The following ZNF423 variants were observed in gnomAD, a reference collection of about 807,000 sequenced individuals.
The protein encoded by ZNF423 is Ebf-associated zinc finger protein.
ZNF423 carries 12 observed loss-of-function variants against 95.8 expected under a neutral mutation model. The observed-to-expected ratio is 0.13, with a 90% CI of 0.08 to 0.20. The LOEUF is 0.20. ZNF423 is among the 10% of genes least tolerant of loss of function. The pLI, the probability that ZNF423 is intolerant of heterozygous loss-of-function variation, is 1.00. For missense variants in ZNF423, 1,316 were observed against 1,737.1 expected, an observed-to-expected ratio of 0.76 and a Z score of 4.31; for synonymous variants, 749 against 711.9, an observed-to-expected ratio of 1.05 and a Z score of -0.83.
In ZNF423 at chr16:49,637,782, T is replaced by G; in HGVS notation, c.1394A>C (p.Asn465Thr). 1.2e-6 allele frequency: 2 copies of G among 1,613,932 alleles called. No homozygotes were observed. The highest frequency in any genetic ancestry group is 2.2e-5 in the South Asian group (2 of 91,060). ...LDSMPTLYNL[N>T]EHVRKLHKNH... is the part of the protein sequence containing the mutation. ...CTTGTGCAGCTTGCGAACGTGCTCG[T>G]TGAGGTTGTAGAGGGTGGGCATGGA... The change falls in exon 4 of 8, where the codon AAC becomes ACC. Residue 465 changes from asparagine (N) to threonine (T), a missense_variant. Transcript: ENST00000563137. The surrounding 1 kb of genome is among the most constrained non-coding windows in gnomAD (Gnocchi z 5.6).
chr16:49,684,250 T>C (rs1596850900), intron 3 of ZNF423, among the ~76,000 whole-genome samples: 3 of 152,074 alleles, frequency 2.0e-5, no homozygotes, highest in South Asian at 4.2e-4. Context: ...ATCAGGAAAA[T>C]AGGGTGTTTG....
intron 1 of ZNF423, among the ~76,000 whole-genome samples, chr16:49,821,660 G>T (rs1331465550): frequency 6.6e-6 from 1 of 152,138 alleles, no homozygotes; most frequent in Non-Finnish European, 1.5e-5. Flanking sequence ...CTCTTCCTTT[G>T]TTTCTCCCTG....
intron 3 of ZNF423, among the ~76,000 whole-genome samples, chr16:49,681,236 G>T (rs2031342009): frequency 6.6e-6 from 1 of 152,200 alleles, no homozygotes; most frequent in African/African-American, 2.4e-5. Context: ...GAACACCAAG[G>T]TATCTTTTAT....
chr16:49,552,601 C>A (rs988303611), intron 5 of ZNF423, among the ~76,000 whole-genome samples: 5 of 152,076 alleles, frequency 3.3e-5, no homozygotes, highest in Admixed American at 1.3e-4. Flanking sequence ...TTTCTAAATC[C>A]TCAGCCAAAA....
intron 3 of ZNF423, among the ~76,000 whole-genome samples, chr16:49,657,557 C>T (rs951451487): frequency 6.6e-6 from 1 of 152,208 alleles, no homozygotes; most frequent in Non-Finnish European, 1.5e-5. Flanking sequence ...AGGTGATGCC[C>T]CCAGGGGCAA....
intron 3 of ZNF423, among the ~76,000 whole-genome samples, chr16:49,677,228 A>AAGAGAAGAGAAGAGAAGAGAAGAGAAGAG (rs2031091665): frequency 5.3e-5 from 3 of 57,100 alleles, no homozygotes; most frequent in African/African-American, 1.3e-4. Flanking sequence ...AGAAACAAGA[A>AAGAGAAGAGAAGAGAAGAGAAGAGAAGAG]AAGAGAAGAG....
At chr16:49,533,923 C>T (rs1968953203) in intron 5 of ZNF423, among the ~76,000 whole-genome samples, 1 of 152,056 alleles carries the variant, frequency 6.6e-6, no homozygotes, top group South Asian at 2.1e-4. Context: ...TTTGGGAGGC[C>T]GAAGCAGGAA....
At position 49,635,626 on chromosome 16, in the gene ZNF423, G is replaced by T. The variant is rs199611822; in HGVS notation, c.3516+34C>A. ...GGGACCAGAGGAGCCCCAAGGAGAG[G>T]AGCAGGGAGCAGGATGAGGTGGACT... On this transcript the variant is annotated intron_variant, in intron 4 of 7. Coordinates refer to ENST00000563137, the MANE Select transcript of ZNF423 (RefSeq NM_001379286.1). The surrounding 1 kb of genome is among the most constrained non-coding windows in gnomAD (Gnocchi z 4.8). 37 of 1,517,052 alleles carry T rather than the reference G, an allele frequency of 2.4e-5. 1 individual carries two copies. In the Admixed American group the frequency reaches 5.3e-4, roughly 22 times the overall value. The allele number at this position is 1,517,052 out of a possible 1,614,324, so 94.0% of individuals were successfully genotyped here.
At chr16:49,529,253 T>G (rs1331800046) in intron 5 of ZNF423, among the ~76,000 whole-genome samples, 2 of 151,942 alleles carry the variant, frequency 1.3e-5, no homozygotes, top group African/African-American at 4.8e-5. Context: ...AATTCAGATC[T>G]TGCCTCCTGT....
chr16:49,832,098 G>A (rs1334742192), intron 1 of ZNF423, among the ~76,000 whole-genome samples: 3 of 152,124 alleles, frequency 2.0e-5, no homozygotes, highest in African/African-American at 7.2e-5. Context: ...ATATCCGAGG[G>A]CCCTGGCCAC....
At chr16:49,652,056 A>G (rs918128369) in intron 3 of ZNF423, among the ~76,000 whole-genome samples, 1 of 152,100 alleles carries the variant, frequency 6.6e-6, no homozygotes, top group African/African-American at 2.4e-5. Flanking sequence ...TCATTACACA[A>G]ACAGAGAATC....
chr16:49,688,053 G>A (rs1308721106), intron 3 of ZNF423, among the ~76,000 whole-genome samples: 4 of 53,036 alleles, frequency 7.5e-5, no homozygotes, highest in East Asian at 1.2e-3. Flanking sequence ...ACCACGGTGC[G>A]GTTTTTTTTT....
chr16:49,646,145 C>G (rs375037217), intron 3 of ZNF423, among the ~76,000 whole-genome samples: 1 of 152,154 alleles, frequency 6.6e-6, no homozygotes. Context: ...CAAAGCAGCC[C>G]GGACAACCGA....
chr16:49,816,892 G>A (rs151191929), intron 1 of ZNF423, among the ~76,000 whole-genome samples: 6 of 152,260 alleles, frequency 3.9e-5, no homozygotes, highest in South Asian at 2.1e-4. Context: ...TAACAATAAC[G>A]GTAGCAATAA....
chr16:49,558,405 A>G (rs1174712572), intron 5 of ZNF423, among the ~76,000 whole-genome samples: 1 of 152,188 alleles, frequency 6.6e-6, no homozygotes, highest in African/African-American at 2.4e-5. Flanking sequence ...TGGCATGAAA[A>G]AGGTGAGTTG....
chr16:49,804,312 G>A (rs757176085), intron 1 of ZNF423, among the ~76,000 whole-genome samples: 8 of 152,120 alleles, frequency 5.3e-5, no homozygotes, highest in Non-Finnish European at 1.2e-4. Flanking sequence ...TTTTCAGGAA[G>A]AATGATAATT....
At chr16:49,715,181 C>T (rs1309730096) in intron 3 of ZNF423, among the ~76,000 whole-genome samples, 1 of 152,148 alleles carries the variant, frequency 6.6e-6, no homozygotes, top group Admixed American at 6.5e-5. Context: ...GGGTCACCTT[C>T]GAGTGGCAGA....
At chr16:49,756,399 C>T (rs1489730784) in intron 2 of ZNF423, among the ~76,000 whole-genome samples, 8 of 152,146 alleles carry the variant, frequency 5.3e-5, no homozygotes, top group Admixed American at 4.6e-4. Context: ...ACAAAATACA[C>T]ATCTTAGAAT....
At chr16:49,507,932 G>A (rs1028248887) in intron 7 of ZNF423, among the ~76,000 whole-genome samples, 1 of 152,212 alleles carries the variant, frequency 6.6e-6, no homozygotes, top group African/African-American at 2.4e-5. Context: ...GGGTCACACA[G>A]AAATGTCGGC....
Sources: gnomAD v4.1 joint callset for allele counts (sites outside exome capture counted in the v4.1 genomes callset) on GRCh38, gnomAD v4.1.1 for gene constraint, Gnocchi (gnomAD v3.1) non-coding constraint, MANE v1.5 for transcripts, NCBI Gene and HGNC (gene_info 2026-07-23, HGNC 2026-07-21) for gene names.